The following TP63 variants were observed in gnomAD, a reference collection of about 807,000 sequenced individuals.
The protein encoded by TP63 is tumor protein p63.
A neutral mutation model predicts 82.8 loss-of-function variants in TP63; 17 were observed. The observed-to-expected ratio is 0.21, with a 90% CI of 0.14 to 0.31. TP63 has a LOEUF of 0.31. Ranked by LOEUF, TP63 falls within the 10% of genes least tolerant of loss-of-function variation. The pLI is 1.00. For synonymous variants in TP63, 330 were observed against 321.7 expected (o/e 1.03, Z -0.28); for missense variants, 648 against 895.3 (o/e 0.72, Z 3.52).
At chr3:189,728,316 C>A (rs142126990) in intron 1 of TP63, among the ~76,000 whole-genome samples, 5 of 152,178 alleles carry the variant, frequency 3.3e-5, no homozygotes, top group African/African-American at 1.2e-4. Flanking sequence ...AACAGACCTA[C>A]ATACACAAAA....
intron 10 of TP63, among the ~76,000 whole-genome samples, chr3:189,882,472 T>G (rs935373132): frequency 1.3e-5 from 2 of 151,810 alleles, no homozygotes; most frequent in African/African-American, 4.8e-5. Flanking sequence ...CCCTTTTTTT[T>G]TTTTTTTTCC....
the TP63 span, among the ~76,000 whole-genome samples, chr3:189,602,748 G>A: frequency 5.3e-5 from 8 of 152,098 alleles, no homozygotes; most frequent in South Asian, 2.1e-4. Context: ...CAGAAGTTCC[G>A]TTCACAAATT....
intron 10 of TP63, chr3:189,880,621 T>C (rs1301701768): frequency 2.0e-6 from 2 of 985,962 alleles, no homozygotes; most frequent in Non-Finnish European, 2.4e-6. Flanking sequence ...AAAGTTGTTA[T>C]TGTCTGTGCA....
At chr3:189,682,570 A>G (rs371647588) in intron 1 of TP63, among the ~76,000 whole-genome samples, 857 of 17,270 alleles carry the variant, frequency 0.05, 25 homozygotes, top group Admixed American at 0.1. Flanking sequence ...ATATATATAT[A>G]TATATATATA....
At chr3:189,668,375 A>T (rs1357913495) in intron 1 of TP63, among the ~76,000 whole-genome samples, 1 of 152,108 alleles carries the variant, frequency 6.6e-6, no homozygotes, top group African/African-American at 2.4e-5. Flanking sequence ...ACTATTGTTC[A>T]TTTCAAGGAA....
At chr3:189,741,055 A>G (rs914068908) in intron 3 of TP63, among the ~76,000 whole-genome samples, 5 of 152,204 alleles carry the variant, frequency 3.3e-5, no homozygotes, top group Non-Finnish European at 7.3e-5. Context: ...GGAGAGAGCT[A>G]AAAGACAAAA....
intron 1 of TP63, among the ~76,000 whole-genome samples, chr3:189,663,601 C>T (rs774766958): frequency 8.7e-5 from 12 of 138,040 alleles, no homozygotes; most frequent in Non-Finnish European, 1.8e-4. Flanking sequence ...AATCTCAGCT[C>T]ACTGCAACAT....
chr3:189,686,006 G>T (rs1404498676), intron 1 of TP63, among the ~76,000 whole-genome samples: 1 of 152,198 alleles, frequency 6.6e-6, no homozygotes, highest in Non-Finnish European at 1.5e-5. Flanking sequence ...GCTGTCTTGA[G>T]TACTGCACTT....
chr3:189,715,190 C>G (rs1380882900), intron 1 of TP63, among the ~76,000 whole-genome samples: 1 of 152,066 alleles, frequency 6.6e-6, no homozygotes, highest in Non-Finnish European at 1.5e-5. Context: ...CTTTGAGGCC[C>G]TAGAGGACTG....
At chr3:189,861,240 G>T (rs1318334401) in intron 4 of TP63, among the ~76,000 whole-genome samples, 1 of 152,088 alleles carries the variant, frequency 6.6e-6, no homozygotes, top group Non-Finnish European at 1.5e-5. Flanking sequence ...ATATAAGTGA[G>T]GACACATGAT....
the TP63 span, among the ~76,000 whole-genome samples, chr3:189,603,011 T>G: frequency 1.3e-5 from 2 of 152,190 alleles, no homozygotes; most frequent in Non-Finnish European, 2.9e-5. Flanking sequence ...TTTTGAAACT[T>G]TATAAACTTC....
intron 1 of TP63, among the ~76,000 whole-genome samples, chr3:189,656,121 C>A (rs187914232): frequency 3.9e-5 from 6 of 152,054 alleles, no homozygotes; most frequent in African/African-American, 1.2e-4. Flanking sequence ...CTTAATTGGC[C>A]TGAAAGAAAA....
chr3:189,690,463 A>G (rs1716829049), intron 1 of TP63, among the ~76,000 whole-genome samples: 1 of 152,176 alleles, frequency 6.6e-6, no homozygotes, highest in South Asian at 2.1e-4. Context: ...CTTTCTTTCT[A>G]GCTCTAAAAT....
intron 10 of TP63, 142 bp downstream of exon 10, chr3:189,873,137 C>T: frequency 7.6e-7 from 1 of 1,310,482 alleles, no homozygotes; most frequent in Non-Finnish European, 1.1e-6. Context: ...GTATGGCAAC[C>T]CTCTTTCAGT....
intron 4 of TP63, among the ~76,000 whole-genome samples, chr3:189,850,904 A>G (rs1715544768): frequency 6.6e-6 from 1 of 152,212 alleles, no homozygotes; most frequent in South Asian, 2.1e-4. Flanking sequence ...TGTGTGATTT[A>G]TTTTAAATGG....
At chr3:189,709,861 C>G (rs957695327) in intron 1 of TP63, among the ~76,000 whole-genome samples, 1 of 152,126 alleles carries the variant, frequency 6.6e-6, no homozygotes, top group African/African-American at 2.4e-5. Flanking sequence ...GGTCATACAA[C>G]TTAACCTTTG....
chr3:189,605,164 A>G, the TP63 span, among the ~76,000 whole-genome samples: 5 of 152,236 alleles, frequency 3.3e-5, no homozygotes, highest in African/African-American at 1.2e-4. Flanking sequence ...CTACAAATAC[A>G]ATAAAAAACA....
intron 2 of TP63, among the ~76,000 whole-genome samples, chr3:189,738,190 G>A (rs977450009): frequency 6.6e-6 from 1 of 152,084 alleles, no homozygotes; most frequent in African/African-American, 2.4e-5. Context: ...TATAATGCAG[G>A]TACTCACTGA....
chr3:189,777,554 T>C (rs971767595), intron 3 of TP63, among the ~76,000 whole-genome samples: 5 of 152,058 alleles, frequency 3.3e-5, no homozygotes, highest in African/African-American at 9.7e-5. Context: ...CTATGCTGTT[T>C]CTTAATTAGA....
Sources: gnomAD v4.1 joint callset for allele counts (sites outside exome capture counted in the v4.1 genomes callset) on GRCh38, gnomAD v4.1.1 for gene constraint, MANE v1.5 for transcripts, NCBI Gene and HGNC (gene_info 2026-07-23, HGNC 2026-07-21) for gene names.